Variants in GARRE1 observed in about 807,000 individuals in gnomAD.
GARRE1 encodes the protein granule associated Rac and RHOG effector protein 1.
A neutral mutation model predicts 103.2 loss-of-function variants in GARRE1; 49 were observed. The ratio of observed to expected loss-of-function variants is 0.47; its 90% CI spans 0.38 to 0.60. The LOEUF is 0.60. Ranked by LOEUF, GARRE1 falls within the 20% of genes least tolerant of loss-of-function variation. GARRE1 has a pLI of 0.00. For missense variants in GARRE1, 1,199 were observed against 1,370.5 expected, an observed-to-expected ratio of 0.87 and a Z score of 1.98; for synonymous variants, 505 against 532.8, an observed-to-expected ratio of 0.95 and a Z score of 0.72.
intron 10 of GARRE1, 144 bp downstream of exon 10, chr19:34,342,599 A>G: frequency 1.4e-6 from 1 of 715,582 alleles, no homozygotes. Context: ...TGTGGAGGCA[A>G]GTATGGGGCA....
chr19:34,277,461 G>C (rs1158633759), intron 1 of GARRE1, among the ~76,000 whole-genome samples: 2 of 152,148 alleles, frequency 1.3e-5, no homozygotes, highest in Non-Finnish European at 2.9e-5. Flanking sequence ...GAAAAAACAC[G>C]TGAAATTTGG....
intron 3 of GARRE1, among the ~76,000 whole-genome samples, chr19:34,322,041 G>T (rs2074091873): frequency 6.6e-6 from 1 of 152,174 alleles, no homozygotes; most frequent in Non-Finnish European, 1.5e-5. Flanking sequence ...CTAGCGCAGG[G>T]TTGCTTTCCT....
Position 34,342,437 on chromosome 19 carries a change from C to G in GARRE1, c.2503C>G (p.Leu835Val). Residue 835 changes from leucine to valine, a missense_variant, in exon 10 of 14, where the codon CTG becomes GTG. Coordinates refer to ENST00000299505, the MANE Select transcript of GARRE1 (RefSeq NM_014686.5). ...DGVFGMLGEI[L>V]PFDPAVGSDP... is the part of the protein sequence containing the mutation. ...AGTCTTTGGAATGCTGGGAGAGATTCTGCCTTTTGATCCTGCAGGTATGTG... is the reference window on the plus strand; with the variant it reads ...AGTCTTTGGAATGCTGGGAGAGATTGTGCCTTTTGATCCTGCAGGTATGTG... 1.2e-6 allele frequency: 2 copies of G among 1,612,364 alleles called. No individual in the cohort carries two copies. Among genetic ancestry groups the G allele is most frequent in the Non-Finnish European group, 1.7e-6 (2 of 1,178,838 alleles).
intron 1 of GARRE1, among the ~76,000 whole-genome samples, chr19:34,286,872 C>T (rs1599756400): frequency 1.3e-5 from 2 of 152,094 alleles, no homozygotes; most frequent in South Asian, 2.1e-4. Context: ...CATCATCAGG[C>T]GTCCTCATTC....
rs754177574 is a variant in GARRE1 at position 34,347,928 on chromosome 19, T to C, written c.2573T>C (p.Met858Thr). 1 of 1,594,138 alleles carries C rather than the reference T, an allele frequency of 6.3e-7. No individual in the cohort carries two copies. The highest frequency in any genetic ancestry group is 8.5e-7 in the Non-Finnish European group (1 of 1,169,638). The change falls in exon 11 of 14, where the codon ATG becomes ACG. Residue 858 changes from methionine (M) to threonine (T), a missense_variant. Transcript: ENST00000299505. ...TATGTGGCAGGAGTGAGCCAGGCGATGCAGCAGAAGCGGCAGGCCCAGCAC... is the reference window on the plus strand; with the variant it reads ...TATGTGGCAGGAGTGAGCCAGGCGACGCAGCAGAAGCGGCAGGCCCAGCAC... ...ARYVAGVSQA[M>T]QQKRQAQHGR... is the part of the protein sequence containing the mutation.
intron 2 of GARRE1, among the ~76,000 whole-genome samples, chr19:34,313,658 A>G (rs1446745351): frequency 1.3e-5 from 2 of 152,158 alleles, no homozygotes; most frequent in East Asian, 3.8e-4. Context: ...GGAAGTGACA[A>G]ATTTTAACAA....
At chr19:34,320,201 C>T in intron 3 of GARRE1, 85 bp downstream of exon 3, 10 of 1,067,660 alleles carry the variant, frequency 9.4e-6, no homozygotes, top group Non-Finnish European at 1.4e-5. Flanking sequence ...CTCAAAACAG[C>T]CATTTCATTT....
intron 2 of GARRE1, among the ~76,000 whole-genome samples, chr19:34,308,996 C>T (rs530987950): frequency 2.9e-3 from 437 of 152,110 alleles, no homozygotes; most frequent in Non-Finnish European, 4.8e-3. Flanking sequence ...GAAATGGAGA[C>T]AGGTCATCAC....
chr19:34,274,259 G>A (rs1476937042), intron 1 of GARRE1, among the ~76,000 whole-genome samples: 1 of 152,060 alleles, frequency 6.6e-6, no homozygotes, highest in African/African-American at 2.4e-5. Flanking sequence ...TACAAAATTA[G>A]CCGGGTGTTG....
chr19:34,266,469 C>A (rs535773876), intron 1 of GARRE1, among the ~76,000 whole-genome samples: 6 of 152,322 alleles, frequency 3.9e-5, no homozygotes, highest in Admixed American at 3.9e-4. Flanking sequence ...TCAAGCGATT[C>A]CCCTGCCTCA....
Position 34,353,133 on chromosome 19 carries a change from C to T in GARRE1, c.*178C>T. On this transcript the variant is annotated 3_prime_UTR_variant, in exon 14 of 14. Transcript: ENST00000299505. The stretch of plus-strand genomic sequence containing the variant: ...GGCAGCTCCAAGCCTTTAAACCTGG[C>T]TTCTGAAACGATGGCATCAGAGCCC... 1 of 600,364 alleles carries T rather than the reference C, an allele frequency of 1.7e-6. No homozygotes were observed. The highest frequency in any genetic ancestry group is 3.1e-5 in the Admixed American group (1 of 32,522). 37.2% of individuals were successfully genotyped at this position (600,364 alleles called of 1,614,324 possible). A position where few individuals can be genotyped will look rare whatever the true frequency, so the allele number is the denominator to read the frequency against.
chr19:34,336,334 A>G (rs1339227114), intron 8 of GARRE1, among the ~76,000 whole-genome samples: 2 of 152,052 alleles, frequency 1.3e-5, no homozygotes, highest in Non-Finnish European at 2.9e-5. Flanking sequence ...GTGTCCTGAA[A>G]TTAATGGTAA....
chr19:34,300,890 C>T lies in GARRE1; in HGVS notation c.417C>T (p.Ile139=), dbSNP rs530620364. The change falls in exon 2 of 14, where the codon ATC becomes ATT. Residue 139 remains isoleucine, a synonymous_variant. Coordinates refer to ENST00000299505, the MANE Select transcript of GARRE1 (RefSeq NM_014686.5). ...SRLTSAIKPE[I]AKMLMELSAG... Reference sequence around the variant, plus strand: ...TGACCTCGGCCATAAAGCCTGAGATCGCCAAGATGCTAATGGAACTTAGTG... The same window carrying T: ...TGACCTCGGCCATAAAGCCTGAGATTGCCAAGATGCTAATGGAACTTAGTG... 9.9e-6 allele frequency: 16 copies of T among 1,611,244 alleles called. No individual in the cohort carries two copies. The South Asian group carries it at 1.2e-4, about 12-fold the overall frequency.
rs745317476 is a variant in GARRE1, at chr19:34,347,967, G to A, written c.2612G>A (p.Gly871Asp). 6.3e-7 allele frequency: 1 copy of A among 1,587,104 alleles called. No homozygotes were observed. Among genetic ancestry groups the A allele is most frequent in the Non-Finnish European group, 8.6e-7 (1 of 1,165,544 alleles). Residue 871 changes from glycine (G) to aspartate (D), a missense_variant, in exon 11 of 14, where the codon GGC (glycine) becomes GAC (aspartate). Physicochemically the swap from Gly to Asp is moderately conservative, Grantham distance 94 (BLOSUM62 -1). Transcript: ENST00000299505. Reference protein sequence around the residue: ...KRQAQHGRRPGNPRGNWPPMD... With the variant: ...KRQAQHGRRPDNPRGNWPPMD... Reference sequence around the variant, plus strand: ...CAGGCCCAGCACGGTCGCCGGCCAGGCAACCCCCGGGGCAACTGGCCGCCT... The same window carrying A: ...CAGGCCCAGCACGGTCGCCGGCCAGACAACCCCCGGGGCAACTGGCCGCCT...
intron 1 of GARRE1, among the ~76,000 whole-genome samples, chr19:34,283,701 C>T (rs1236651216): frequency 6.6e-6 from 1 of 152,094 alleles, no homozygotes; most frequent in Non-Finnish European, 1.5e-5. Flanking sequence ...CTTCAATCGT[C>T]TTATCTTTCT....
chr19:34,289,442 C>G (rs1460283331), intron 1 of GARRE1, among the ~76,000 whole-genome samples: 10 of 146,608 alleles, frequency 6.8e-5, no homozygotes, highest in Non-Finnish European at 1.5e-5. Context: ...ATTCCATCTC[C>G]AAGGCCAGGC....
At chr19:34,257,262 C>T (rs1042990527) in intron 1 of GARRE1, among the ~76,000 whole-genome samples, 1 of 151,870 alleles carries the variant, frequency 6.6e-6, no homozygotes, top group Non-Finnish European at 1.5e-5. Context: ...ATCCATGTGT[C>T]AAGTGGGTCT....
chr19:34,342,834 G>A (rs549754083), intron 10 of GARRE1, among the ~76,000 whole-genome samples: 3 of 151,616 alleles, frequency 2.0e-5, no homozygotes, highest in Admixed American at 6.6e-5. Flanking sequence ...TGTTCTTTGC[G>A]ATGCTTTTTT....
chr19:34,279,358 T>C (rs1003243263), intron 1 of GARRE1, among the ~76,000 whole-genome samples: 28 of 152,086 alleles, frequency 1.8e-4, no homozygotes, highest in African/African-American at 6.5e-4. Flanking sequence ...TGGAGTTCAG[T>C]GGCCCATTGC....
Sources: allele counts gnomAD v4.1 joint callset (sites outside exome capture counted in the v4.1 genomes callset), GRCh38; gene constraint gnomAD v4.1.1; transcripts MANE v1.5; gene names NCBI Gene and HGNC (gene_info 2026-07-23, HGNC 2026-07-21).